LPAR1: variants seen among roughly 807,000 people sequenced by gnomAD.
The protein encoded by LPAR1 is lysophosphatidic acid receptor 1, also known as LPA receptor 1.
Under a neutral mutation model 23.8 loss-of-function variants are expected in LPAR1, and 5 were observed. The ratio of observed to expected loss-of-function variants is 0.21; its 90% CI spans 0.11 to 0.44. LPAR1 has a LOEUF of 0.44. LPAR1 is among the 20% of genes least tolerant of loss of function. The pLI, the probability that LPAR1 is intolerant of heterozygous loss-of-function variation, is 0.99. For synonymous variants in LPAR1, 160 were observed against 164.7 expected (o/e 0.97, Z 0.22); for missense variants, 311 against 482.8 (o/e 0.64, Z 3.33).
chr9:110,942,057 T>C lies in LPAR1; in HGVS notation c.157A>G (p.Met53Val). ...ATACAAACAGTGATTCCAAGTCCCATCACCAGCTTGCTGACTGTGTTCCAT... is the reference window on the plus strand; with the variant it reads ...ATACAAACAGTGATTCCAAGTCCCACCACCAGCTTGCTGACTGTGTTCCAT... ...TEWNTVSKLV[M>V]GLGITVCIFI... Residue 53 changes from methionine to valine, a missense_variant, in exon 5 of 6, where the codon ATG becomes GTG. Transcript: ENST00000683809. 6.2e-7 allele frequency: 1 copy of C among 1,614,190 alleles called. No individual in the cohort carries two copies. The highest frequency in any genetic ancestry group is 8.5e-7 in the Non-Finnish European group (1 of 1,180,020).
intron 2 of LPAR1, among the ~76,000 whole-genome samples, chr9:111,001,591 C>A (rs982471275): frequency 1.3e-5 from 2 of 152,168 alleles, no homozygotes; most frequent in Non-Finnish European, 2.9e-5. Context: ...AACTAACATC[C>A]AGATGGACTA....
chr9:110,892,956 C>T (rs891268069), intron 5 of LPAR1, among the ~76,000 whole-genome samples: 7 of 152,112 alleles, frequency 4.6e-5, no homozygotes, highest in Non-Finnish European at 7.4e-5. Context: ...CCAGCAATAT[C>T]TGTGGCTGGG....
intron 5 of LPAR1, among the ~76,000 whole-genome samples, chr9:110,917,490 T>C (rs1395556774): frequency 6.6e-6 from 1 of 152,216 alleles, no homozygotes; most frequent in Non-Finnish European, 1.5e-5. Flanking sequence ...CTGGGCTATA[T>C]CTTTAAGCCC....
intron 5 of LPAR1, among the ~76,000 whole-genome samples, chr9:110,908,438 A>C (rs2091786996): frequency 6.6e-6 from 1 of 151,944 alleles, no homozygotes; most frequent in Non-Finnish European, 1.5e-5. Flanking sequence ...TAAAGTATTA[A>C]AACAGAAAAT....
chr9:110,906,748 T>G (rs1489366647), intron 5 of LPAR1, among the ~76,000 whole-genome samples: 3 of 152,136 alleles, frequency 2.0e-5, no homozygotes, highest in Non-Finnish European at 2.9e-5. Flanking sequence ...AAAATGCTTT[T>G]CCACATAAAA....
chr9:110,921,267 T>C (rs2093612831), intron 5 of LPAR1, among the ~76,000 whole-genome samples: 1 of 152,196 alleles, frequency 6.6e-6, no homozygotes, highest in African/African-American at 2.4e-5. Flanking sequence ...GAGCAAGATC[T>C]TATCTCAGTT....
At chr9:110,923,972 C>T (rs2093821313) in intron 5 of LPAR1, among the ~76,000 whole-genome samples, 1 of 151,998 alleles carries the variant, frequency 6.6e-6, no homozygotes, top group African/African-American at 2.4e-5. Context: ...TTTTGTTTAT[C>T]TTGGTTTCTA....
chr9:110,902,826 G>T (rs1176215389), intron 5 of LPAR1, among the ~76,000 whole-genome samples: 7 of 152,202 alleles, frequency 4.6e-5, no homozygotes, highest in African/African-American at 7.2e-5. Flanking sequence ...ATATCTGTTT[G>T]TATTCCCTCT....
intron 2 of LPAR1, among the ~76,000 whole-genome samples, chr9:110,979,569 T>A (rs1185603077): frequency 6.6e-6 from 1 of 152,134 alleles, no homozygotes; most frequent in Non-Finnish European, 1.5e-5. Context: ...GAGTTGTGTT[T>A]TTTTAACTGT....
intron 2 of LPAR1, among the ~76,000 whole-genome samples, chr9:110,998,666 T>C (rs1040223063): frequency 8.5e-5 from 13 of 152,206 alleles, no homozygotes; most frequent in African/African-American, 2.7e-4. Context: ...CATAAAGCTA[T>C]TAGTGTAATC....
At chr9:111,015,724 T>A (rs936782102) in intron 2 of LPAR1, among the ~76,000 whole-genome samples, 1 of 152,080 alleles carries the variant, frequency 6.6e-6, no homozygotes, top group African/African-American at 2.4e-5. Flanking sequence ...CCATAAAAAA[T>A]TATATAGGTC....
In LPAR1 at chr9:110,875,223, AGGG is replaced by A; in HGVS notation, c.*195_*197del. The A allele has an allele frequency of 2.0e-6, 1 of 499,436 alleles. No individual in the cohort carries two copies. The highest frequency in any genetic ancestry group is 3.5e-6 in the Non-Finnish European group (1 of 283,636). The allele number at this position is 499,436 out of a possible 1,614,324, so 30.9% of individuals were successfully genotyped here. A position where few individuals can be genotyped will look rare whatever the true frequency, so the allele number is the denominator to read the frequency against. On this transcript the variant is annotated 3_prime_UTR_variant, in exon 6 of 6. Coordinates refer to ENST00000683809, the MANE Select transcript of LPAR1 (RefSeq NM_001351411.2). ...TTCAGAAGGGATGGGGATCAAGATG[AGGG>A]TTGTCACATAAGCTAATTTTCAATA...
intron 2 of LPAR1, among the ~76,000 whole-genome samples, chr9:110,989,892 A>G (rs1462979827): frequency 2.0e-5 from 3 of 152,136 alleles, no homozygotes; most frequent in African/African-American, 7.2e-5. Context: ...ATTAAAAGTA[A>G]AAGGATAAAA....
chr9:111,017,846 C>A (rs1249792650), intron 2 of LPAR1, among the ~76,000 whole-genome samples: 1 of 152,060 alleles, frequency 6.6e-6, no homozygotes, highest in Admixed American at 6.6e-5. Flanking sequence ...ATGGTGAAAC[C>A]TATCTCTACT....
intron 5 of LPAR1, among the ~76,000 whole-genome samples, chr9:110,906,886 AG>A (rs879928264): frequency 0.037 from 5,679 of 152,254 alleles, 172 homozygotes; most frequent in Non-Finnish European, 0.046. Context: ...GGCCAACTTA[AG>A]GATGAAGGAA....
At position 110,942,093 on chromosome 9, in the gene LPAR1, G is replaced by C; in HGVS notation, c.121C>G (p.Leu41Val). 2 of 1,614,110 alleles carry C rather than the reference G, an allele frequency of 1.2e-6. No homozygotes were observed. The highest frequency in any genetic ancestry group is 1.7e-6 in the Non-Finnish European group (2 of 1,179,988). Residue 41 changes from leucine to valine, a missense_variant, in exon 5 of 6, where the codon CTT becomes GTT. Coordinates refer to ENST00000683809, the MANE Select transcript of LPAR1 (RefSeq NM_001351411.2). ...AFFYNRSGKHLATEWNTVSKL... is the reference protein window; with the variant it reads ...AFFYNRSGKHVATEWNTVSKL... ...CTGACTGTGTTCCATTCTGTGGCAA[G>C]ATGCTTTCCACTTCGGTTATAAAAG...
At chr9:110,886,328 C>T (rs1467326815) in intron 5 of LPAR1, among the ~76,000 whole-genome samples, 2 of 139,240 alleles carry the variant, frequency 1.4e-5, no homozygotes, top group African/African-American at 5.4e-5. Context: ...TGCACCATTG[C>T]ACTCCAGCCT....
upstream of LPAR1, chr9:111,038,489 G>A: frequency 2.6e-6 from 1 of 390,156 alleles, no homozygotes; most frequent in South Asian, 1.8e-5. This position sits in a 1 kb window ranked among gnomAD's most constrained non-coding sequence, Gnocchi z 4.4. Flanking sequence ...TTGGCGCGCT[G>A]GCAGGAGGAG....
At chr9:110,914,838 C>T (rs2092904452) in intron 5 of LPAR1, among the ~76,000 whole-genome samples, 1 of 152,104 alleles carries the variant, frequency 6.6e-6, no homozygotes. Context: ...TTTTACCTTT[C>T]CTGCTTCAAA....
Sources: gnomAD v4.1 joint callset for allele counts (sites outside exome capture counted in the v4.1 genomes callset) on GRCh38, gnomAD v4.1.1 for gene constraint, Gnocchi (gnomAD v3.1) non-coding constraint, MANE v1.5 for transcripts, NCBI Gene and HGNC (gene_info 2026-07-23, HGNC 2026-07-21) for gene names.